The following RASGRP3 variants were observed in gnomAD, a reference collection of about 807,000 sequenced individuals.
The protein encoded by RASGRP3 is RAS guanyl releasing protein 3, also known as ras guanyl-releasing protein 3.
Under a neutral mutation model 82.7 loss-of-function variants are expected in RASGRP3, and 54 were observed. The ratio of observed to expected loss-of-function variants is 0.65; its 90% CI spans 0.52 to 0.82. RASGRP3 has a LOEUF of 0.82. Among genes scored for constraint, RASGRP3 ranks in the 40% least tolerant of loss-of-function variants. RASGRP3 has a pLI of 0.00. For synonymous variants in RASGRP3, 309 were observed against 300.5 expected, an observed-to-expected ratio of 1.03 and a Z score of -0.29; for missense variants, 861 against 828.9, an observed-to-expected ratio of 1.04 and a Z score of -0.48.
intron 1 of RASGRP3, chr2:33,482,749 TAGC>T (rs1668048328): frequency 6.6e-6 from 1 of 152,198 alleles, no homozygotes; most frequent in African/African-American, 2.4e-5. Context: ...ATCATAAAAA[TAGC>T]AGTGCATGTT....
rs59802064 is a variant in RASGRP3, at chr2:33,491,878, T to C, written c.-261+15171T>C. Among the ~76,000 whole-genome samples the C allele has an allele frequency of 1.9e-3, 284 of 152,326 alleles. 4 individuals carry two copies. Among genetic ancestry groups the C allele is most frequent in the African/African-American group, 6.3e-3 (263 of 41,576 alleles). On this transcript the variant is annotated intron_variant, in intron 1 of 17. Transcript: ENST00000403687. ...GGCTGAGGCTTAGGCTAGGGCACAA[T>C]GGACTTTCTGGCATCTGGCCAAGGT... is the stretch of plus-strand genomic sequence containing the variant.
chr2:33,531,553 A>T (rs1673110779), intron 10 of RASGRP3, among the ~76,000 whole-genome samples: 1 of 152,206 alleles, frequency 6.6e-6, no homozygotes, highest in South Asian at 2.1e-4. Context: ...AACAAACCTT[A>T]GTCAGACACC....
intron 4 of RASGRP3, 183 bp downstream of exon 4, chr2:33,516,827 T>C (rs558653052): frequency 2.2e-6 from 1 of 455,020 alleles, no homozygotes; most frequent in Admixed American, 4.0e-5. Context: ...TAGTTGACTC[T>C]CCATCTGGAT....
chr2:33,564,174 C>G lies in RASGRP3; in HGVS notation c.*1437C>G, dbSNP rs1676999267. ...TTCTGGGCAGGTCCCACGCTATATGCACAAAGTTAAGAAAAACTTGGTCTT... is the reference window on the plus strand; with the variant it reads ...TTCTGGGCAGGTCCCACGCTATATGGACAAAGTTAAGAAAAACTTGGTCTT... On this transcript the variant is annotated 3_prime_UTR_variant, in exon 18 of 18. Coordinates refer to ENST00000403687, the MANE Select transcript of RASGRP3 (RefSeq NM_001139488.2). The G allele has an allele frequency of 6.6e-6, 1 of 152,056 alleles. No individual in the cohort carries two copies. The highest frequency in any genetic ancestry group is 2.4e-5 in the African/African-American group (1 of 41,442). 9.4% of individuals were successfully genotyped at this position (152,056 alleles called of 1,614,324 possible). A position where few individuals can be genotyped will look rare whatever the true frequency, so the allele number is the denominator to read the frequency against.
chr2:33,540,559 TGTGTG>T (rs1429311070), intron 12 of RASGRP3, among the ~76,000 whole-genome samples: 3 of 5,628 alleles, frequency 5.3e-4, no homozygotes, highest in African/African-American at 9.5e-4. Context: ...GTGTGTTTTG[TGTGTG>T]TGTGTGTGTG....
At chr2:33,477,480 G>A (rs569798962) in intron 1 of RASGRP3, among the ~76,000 whole-genome samples, 8 of 152,194 alleles carry the variant, frequency 5.3e-5, no homozygotes, top group African/African-American at 1.9e-4. Context: ...TACTCAGGCT[G>A]TTTTTTCCTT....
intron 1 of RASGRP3, among the ~76,000 whole-genome samples, chr2:33,485,643 A>T (rs561858757): frequency 2.9e-4 from 44 of 152,374 alleles, no homozygotes; most frequent in African/African-American, 1.0e-3. Flanking sequence ...AAGAGGGACA[A>T]TCATATTCAT....
intron 11 of RASGRP3, among the ~76,000 whole-genome samples, chr2:33,537,332 A>T (rs796686395): frequency 1.4e-5 from 1 of 70,740 alleles, no homozygotes; most frequent in Admixed American, 1.8e-4. Flanking sequence ...CGCCCCCCCC[A>T]CACACACACA....
At chr2:33,470,496 C>G (rs1666992588) in intron 2 of RASGRP3, among the ~76,000 whole-genome samples, 1 of 151,822 alleles carries the variant, frequency 6.6e-6, no homozygotes, top group South Asian at 2.1e-4. Context: ...TTTCCTGCCT[C>G]AGCCTCCCGA....
rs181340963 is a variant in RASGRP3 at position 33,537,586 on chromosome 2, C to G, written c.1162-1508C>G. On this transcript the variant is annotated intron_variant, in intron 11 of 17. Transcript: ENST00000403687. The stretch of plus-strand genomic sequence containing the variant: ...ATGTTGGCCAGGCTGGTCTCAAACT[C>G]CTGGCCTCAGGTGATCCACCTGCCT... 3.2e-3 allele frequency among the ~76,000 whole-genome samples: 481 copies of G among 152,198 alleles called. 1 individual carries two copies. The highest frequency in any genetic ancestry group is 5.6e-3 in the Non-Finnish European group (378 of 68,018).
At chr2:33,560,961 T>G (rs1222876225) in intron 17 of RASGRP3, among the ~76,000 whole-genome samples, 1 of 152,228 alleles carries the variant, frequency 6.6e-6, no homozygotes, top group East Asian at 1.9e-4. Context: ...TAAGGAAATA[T>G]AAACAAGTAT....
intron 10 of RASGRP3, 183 bp from the exon 11 acceptor site, chr2:33,534,140 A>G: frequency 1.7e-6 from 1 of 592,154 alleles, no homozygotes; most frequent in Admixed American, 3.0e-5. Context: ...ATGATTAACC[A>G]GGATTAACGT....
intron 13 of RASGRP3, among the ~76,000 whole-genome samples, chr2:33,544,765 T>C (rs548063237): frequency 6.6e-6 from 1 of 152,104 alleles, no homozygotes; most frequent in South Asian, 2.1e-4. Flanking sequence ...GAGGCTGAGA[T>C]AGTAGGATTA....
intron 1 of RASGRP3, among the ~76,000 whole-genome samples, chr2:33,494,933 G>A (rs1669177722): frequency 1.3e-5 from 2 of 152,226 alleles, no homozygotes; most frequent in African/African-American, 2.4e-5. Flanking sequence ...GACAAATGCT[G>A]CAGAAATCTC....
chr2:33,465,964 C>G (rs573381986), intron 2 of RASGRP3, among the ~76,000 whole-genome samples: 48 of 100,174 alleles, frequency 4.8e-4, no homozygotes, highest in African/African-American at 2.0e-3. Flanking sequence ...TTGAGACTTA[C>G]TGCTCAAAAA....
chr2:33,460,131 G>C (rs988019721), intron 2 of RASGRP3, among the ~76,000 whole-genome samples: 8 of 152,130 alleles, frequency 5.3e-5, no homozygotes, highest in African/African-American at 1.2e-4. Context: ...AGTAAAAACT[G>C]GGAACATTTC....
chr2:33,487,669 G>A (rs1414256924), intron 1 of RASGRP3, among the ~76,000 whole-genome samples: 1 of 152,200 alleles, frequency 6.6e-6, no homozygotes, highest in Non-Finnish European at 1.5e-5. Context: ...TAGCTACTTG[G>A]AAGGCTGAGG....
At chr2:33,488,880 G>A (rs1307345605) in intron 1 of RASGRP3, among the ~76,000 whole-genome samples, 4 of 152,086 alleles carry the variant, frequency 2.6e-5, no homozygotes, top group Non-Finnish European at 5.9e-5. Flanking sequence ...GAAAAACTCA[G>A]TCAAATAGCC....
chr2:33,512,754 T>C (rs747944793), intron 2 of RASGRP3, among the ~76,000 whole-genome samples: 4 of 152,208 alleles, frequency 2.6e-5, no homozygotes, highest in Non-Finnish European at 5.9e-5. Flanking sequence ...AATCCACTCG[T>C]TTATTAATTT....
Sources: gnomAD v4.1 joint callset for allele counts (sites outside exome capture counted in the v4.1 genomes callset) on GRCh38, gnomAD v4.1.1 for gene constraint, MANE v1.5 for transcripts, NCBI Gene and HGNC (gene_info 2026-07-23, HGNC 2026-07-21) for gene names.